Variants in ADAM32 observed in about 807,000 individuals in gnomAD.
ADAM32 encodes the protein ADAM metallopeptidase domain 32, also known as disintegrin and metalloproteinase domain-containing protein 32.
ADAM32 carries 89 observed loss-of-function variants against 114.9 expected under a neutral mutation model. That is an observed-to-expected ratio of 0.77 (90% CI 0.65 to 0.92). The LOEUF is 0.92. ADAM32 is among the 40% of genes least tolerant of loss of function. The pLI, the probability that ADAM32 is intolerant of heterozygous loss-of-function variation, is 0.00. For missense variants in ADAM32, 870 were observed against 932.8 expected (o/e 0.93, Z 0.88); for synonymous variants, 285 against 307.5 (o/e 0.93, Z 0.77).
chr8:39,173,088 T>C (rs1473409067), intron 10 of ADAM32, among the ~76,000 whole-genome samples: 2 of 152,198 alleles, frequency 1.3e-5, no homozygotes, highest in Non-Finnish European at 2.9e-5. Flanking sequence ...TGAAACCTTG[T>C]CGCTACTAAC....
chr8:39,195,750 A>C (rs182745114), intron 11 of ADAM32, among the ~76,000 whole-genome samples: 15 of 152,176 alleles, frequency 9.9e-5, no homozygotes, highest in Middle Eastern at 3.4e-3. Context: ...ATTCTGTTTC[A>C]TTGCTCTGTT....
At chr8:39,238,291 A>G (rs1810324335) in intron 16 of ADAM32, among the ~76,000 whole-genome samples, 1 of 152,344 alleles carries the variant, frequency 6.6e-6, no homozygotes, top group South Asian at 2.1e-4. Flanking sequence ...CTGAAAGTCC[A>G]GTAGCTCCAC....
chr8:39,185,817 C>T (rs1252410848), intron 10 of ADAM32, among the ~76,000 whole-genome samples: 1 of 152,012 alleles, frequency 6.6e-6, no homozygotes, highest in Non-Finnish European at 1.5e-5. Flanking sequence ...ATAATTAATT[C>T]TTGATTTGGA....
Position 39,226,632 on chromosome 8 carries a change from GA to G in ADAM32, c.1525+3405del, listed in dbSNP as rs1056779997. ...AGAGTGGAATGATATCGTGCTGAAA[GA>G]AAAAAAAAAAGTCAATCAAGAATAC... On this transcript the variant is annotated intron_variant, in intron 14 of 24. Coordinates refer to ENST00000379907, the MANE Select transcript of ADAM32 (RefSeq NM_145004.7). 6.8e-4 allele frequency among the ~76,000 whole-genome samples: 98 copies of G among 143,772 alleles called. 1 individual carries two copies. Among genetic ancestry groups the G allele is most frequent in the South Asian group, 2.8e-3 (13 of 4,578 alleles). 94.3% of individuals were successfully genotyped at this position (143,772 alleles called of 152,430 possible).
At position 39,207,782 on chromosome 8, in the gene ADAM32, A is replaced by C. The variant is rs190502803; in HGVS notation, c.1053-3362A>C. ...TTTATGAAATCAACTTTTTTTATGA[A>C]ATCAACTTTTTAAAAATTTCACACG... On this transcript the variant is annotated intron_variant, in intron 11 of 24. Transcript: ENST00000379907. Among the ~76,000 whole-genome samples the C allele has an allele frequency of 2.5e-3, 384 of 152,228 alleles. 3 individuals carry two copies. The highest frequency in any genetic ancestry group is 8.9e-3 in the African/African-American group (370 of 41,538).
At chr8:39,203,161 G>A (rs1336667202) in intron 11 of ADAM32, among the ~76,000 whole-genome samples, 6 of 152,044 alleles carry the variant, frequency 3.9e-5, no homozygotes, top group Non-Finnish European at 5.9e-5. Flanking sequence ...CTTGGTCCAG[G>A]GCTGAGTTCA....
chr8:39,149,445 A>G (rs1803691084), intron 4 of ADAM32, among the ~76,000 whole-genome samples: 1 of 152,084 alleles, frequency 6.6e-6, no homozygotes, highest in Non-Finnish European at 1.5e-5. Flanking sequence ...TTTTAGCATC[A>G]TATTAATTGA....
intron 3 of ADAM32, among the ~76,000 whole-genome samples, chr8:39,141,802 C>T (rs550496748): frequency 3.3e-5 from 5 of 152,118 alleles, no homozygotes; most frequent in African/African-American, 1.2e-4. Context: ...TTAAAGTCTC[C>T]CATTATTATT....
intron 16 of ADAM32, 117 bp from the exon 17 acceptor site, chr8:39,245,966 A>G: frequency 1.2e-6 from 1 of 800,186 alleles, no homozygotes; most frequent in East Asian, 2.7e-5. Flanking sequence ...CAGTACTTAG[A>G]GGAAAATTTG....
Position 39,182,255 on chromosome 8 carries a change from A to G in ADAM32, c.916-4654A>G, listed in dbSNP as rs552331596. ...TCTACTTTGACTTGATGCTATTTGA[A>G]AGACAGAATATAAATAGATTATAGC... is the stretch of plus-strand genomic sequence containing the variant. On this transcript the variant is annotated intron_variant, in intron 10 of 24. Transcript: ENST00000379907. Among the ~76,000 whole-genome samples, 5 of 152,320 alleles carry G rather than the reference A, an allele frequency of 3.3e-5. No homozygotes were observed. In the South Asian group the frequency reaches 1.0e-3, roughly 32 times the overall value.
intron 18 of ADAM32, among the ~76,000 whole-genome samples, 166 bp downstream of exon 18, chr8:39,254,682 GCT>G (rs1453529482): frequency 5.9e-5 from 9 of 151,564 alleles, no homozygotes; most frequent in Admixed American, 6.6e-5. Flanking sequence ...TCTTAATCTT[GCT>G]CTCTTTTCTT....
intron 1 of ADAM32, among the ~76,000 whole-genome samples, chr8:39,113,913 A>G (rs895478858): frequency 6.6e-6 from 1 of 152,206 alleles, no homozygotes; most frequent in East Asian, 1.9e-4. Context: ...GGAATTGAAA[A>G]TAACATTTTC....
intron 13 of ADAM32, 66 bp from the exon 14 acceptor site, chr8:39,222,974 A>G (rs556345010): frequency 7.5e-7 from 1 of 1,339,818 alleles, no homozygotes; most frequent in African/African-American, 1.5e-5. Context: ...ACAATTTTGA[A>G]GTAAATATTA....
intron 14 of ADAM32, among the ~76,000 whole-genome samples, chr8:39,229,455 C>T (rs1809591836): frequency 6.6e-6 from 1 of 152,094 alleles, no homozygotes; most frequent in Non-Finnish European, 1.5e-5. Flanking sequence ...TTAGGAGACT[C>T]ACCTAACACA....
chr8:39,133,341 G>A (rs1322096579), intron 2 of ADAM32, among the ~76,000 whole-genome samples: 4 of 152,226 alleles, frequency 2.6e-5, no homozygotes, highest in African/African-American at 9.6e-5. Flanking sequence ...TTGTTGTCAT[G>A]TGCAGAGATG....
At chr8:39,178,498 T>A (rs1020054803) in intron 10 of ADAM32, among the ~76,000 whole-genome samples, 6 of 152,220 alleles carry the variant, frequency 3.9e-5, no homozygotes, top group Non-Finnish European at 8.8e-5. Context: ...ATTACCCACC[T>A]TCTGAAGACT....
intron 7 of ADAM32, among the ~76,000 whole-genome samples, chr8:39,164,324 A>T (rs1804696412): frequency 6.6e-6 from 1 of 152,144 alleles, no homozygotes; most frequent in Non-Finnish European, 1.5e-5. Flanking sequence ...GTTTCTTTTT[A>T]TTGCTGAGTT....
At chr8:39,129,846 T>C (rs1299616499) in intron 2 of ADAM32, 1 of 368,486 alleles carries the variant, frequency 2.7e-6, no homozygotes, top group South Asian at 2.1e-5. Context: ...ATCTTTGTTA[T>C]AGGTCTATTT....
intron 11 of ADAM32, among the ~76,000 whole-genome samples, chr8:39,193,451 G>A (rs1585504883): frequency 6.6e-6 from 1 of 152,254 alleles, no homozygotes. Flanking sequence ...ATGTTCTCCT[G>A]AATCTCAATG....
Sources: allele counts gnomAD v4.1 joint callset (sites outside exome capture counted in the v4.1 genomes callset), GRCh38; gene constraint gnomAD v4.1.1; transcripts MANE v1.5; gene names NCBI Gene and HGNC (gene_info 2026-07-23, HGNC 2026-07-21).